AFAP1L2: variants seen among roughly 807,000 people sequenced by gnomAD.
The protein encoded by AFAP1L2 is actin filament-associated protein 1-like 2.
AFAP1L2 carries 46 observed loss-of-function variants against 99.3 expected under a neutral mutation model. The ratio of observed to expected loss-of-function variants is 0.46; its 90% confidence interval spans 0.37 to 0.59. The LOEUF is 0.59. Ranked by LOEUF, AFAP1L2 falls within the 20% of genes least tolerant of loss-of-function variation. The probability of loss-of-function intolerance (pLI) is 0.00; values close to 1 mark genes in which losing one functional copy is unlikely to be tolerated. For synonymous variants in AFAP1L2, 397 were observed against 419.1 expected (o/e 0.95, Z 0.64); for missense variants, 959 against 1,034.9 (o/e 0.93, Z 1.01).
chr10:114,311,912 G>A (rs1398346186), intron 7 of AFAP1L2, among the ~76,000 whole-genome samples: 2 of 152,260 alleles, frequency 1.3e-5, no homozygotes, highest in Non-Finnish European at 2.9e-5. Flanking sequence ...AATGCAGGTA[G>A]GTGGAGAGCC....
chr10:114,297,697 T>C (rs1215986267), intron 16 of AFAP1L2, among the ~76,000 whole-genome samples: 1 of 152,220 alleles, frequency 6.6e-6, no homozygotes, highest in East Asian at 1.9e-4. Context: ...TCAGAGACTC[T>C]TGGTTGCTTT....
chr10:114,313,479 C>T (rs535231220), intron 7 of AFAP1L2, among the ~76,000 whole-genome samples: 8 of 152,286 alleles, frequency 5.3e-5, no homozygotes, highest in African/African-American at 1.7e-4. Context: ...AATCACCACT[C>T]CTGTAAAATG....
In AFAP1L2 at chr10:114,330,663, A is replaced by C. The variant is rs193194081; in HGVS notation, c.315+1140T>G. Among the ~76,000 whole-genome samples the C allele has an allele frequency of 9.1e-4, 138 of 152,358 alleles. 1 individual carries two copies. Among genetic ancestry groups the C allele is most frequent in the Middle Eastern group, 3.4e-3 (1 of 294 alleles). On this transcript the variant is annotated intron_variant, in intron 4 of 18. Transcript: ENST00000304129. ...AGGATTAGAGACTTTAACTTGCTCA[A>C]GTTCAAAGAGCTAGTGGCATGCAGA... is the stretch of plus-strand genomic sequence containing the variant.
At chr10:114,359,025 C>T (rs959462442) in intron 1 of AFAP1L2, among the ~76,000 whole-genome samples, 19 of 152,186 alleles carry the variant, frequency 1.2e-4, no homozygotes, top group African/African-American at 4.6e-4. Flanking sequence ...CCATTTTGAC[C>T]CTGGTTATTA....
the AFAP1L2 span, among the ~76,000 whole-genome samples, chr10:114,287,599 G>A: frequency 6.6e-6 from 1 of 152,140 alleles, no homozygotes; most frequent in Non-Finnish European, 1.5e-5. Flanking sequence ...CCTCCTGTAA[G>A]GCGGAAGGAC....
intron 1 of AFAP1L2, among the ~76,000 whole-genome samples, chr10:114,374,846 A>AGGGGGGGG (rs2054593466): frequency 3.4e-5 from 1 of 29,748 alleles, no homozygotes; most frequent in Non-Finnish European, 6.9e-5. Context: ...AGAGGGAGGG[A>AGGGGGGGG]GGGGGTGGGG....
At chr10:114,396,723 G>C (rs2057756958) in intron 1 of AFAP1L2, among the ~76,000 whole-genome samples, 1 of 152,230 alleles carries the variant, frequency 6.6e-6, no homozygotes, top group Non-Finnish European at 1.5e-5. Flanking sequence ...GTGGGTAGCA[G>C]CAGAGTTCCC....
chr10:114,381,160 G>A (rs2055561384), intron 1 of AFAP1L2, among the ~76,000 whole-genome samples: 1 of 152,188 alleles, frequency 6.6e-6, no homozygotes, highest in South Asian at 2.1e-4. Flanking sequence ...GGATAAACAA[G>A]AGTTGTTATA....
intron 1 of AFAP1L2, among the ~76,000 whole-genome samples, chr10:114,404,054 C>G (rs1174314758): frequency 6.6e-6 from 1 of 152,252 alleles, no homozygotes; most frequent in Admixed American, 6.5e-5. Context: ...CCCTTTGCCC[C>G]CAGCAGCTCA....
the AFAP1L2 span, among the ~76,000 whole-genome samples, chr10:114,283,417 C>A: frequency 6.6e-6 from 1 of 151,910 alleles, no homozygotes; most frequent in African/African-American, 2.4e-5. Flanking sequence ...TAGCGAGTGT[C>A]CCTATTTGGG....
chr10:114,310,345 G>A lies in AFAP1L2; in HGVS notation c.882+9C>T. The A allele has an allele frequency of 6.2e-7, 1 of 1,610,944 alleles. No individual in the cohort carries two copies. The highest frequency in any genetic ancestry group is 8.5e-7 in the Non-Finnish European group (1 of 1,178,830). On this transcript the variant is annotated intron_variant, in intron 8 of 18. Transcript: ENST00000304129. ...GGGGACTCTCCCTCCAGGCAGGGCA[G>A]AGGCTTACTTTCTGGCAGTTAAAGC... is the stretch of plus-strand genomic sequence containing the variant.
chr10:114,294,249 T>A (rs1052497193), downstream of AFAP1L2, among the ~76,000 whole-genome samples: 2 of 152,250 alleles, frequency 1.3e-5, no homozygotes, highest in Non-Finnish European at 2.9e-5. Flanking sequence ...TTTTGCAATT[T>A]GTTTTGAATT....
chr10:114,311,373 T>A (rs1056429482), intron 7 of AFAP1L2, among the ~76,000 whole-genome samples: 1 of 152,140 alleles, frequency 6.6e-6, no homozygotes, highest in Non-Finnish European at 1.5e-5. Flanking sequence ...ATTTCATAGA[T>A]CCCCCTCTTT....
intron 1 of AFAP1L2, chr10:114,398,745 T>A: frequency 9.3e-7 from 1 of 1,080,380 alleles, no homozygotes; most frequent in Non-Finnish European, 1.2e-6. Context: ...CTCCTTGATC[T>A]CCCTCAACCA....
At chr10:114,311,440 A>G (rs2043220862) in intron 7 of AFAP1L2, among the ~76,000 whole-genome samples, 1 of 152,174 alleles carries the variant, frequency 6.6e-6, no homozygotes, top group South Asian at 2.1e-4. Flanking sequence ...GAGCCCAAGA[A>G]CTCCAGTTCG....
At chr10:114,310,952 G>GCCCCCCCC (rs1554887399) in intron 7 of AFAP1L2, among the ~76,000 whole-genome samples, 29 of 133,808 alleles carry the variant, frequency 2.2e-4, no homozygotes, top group Admixed American at 7.0e-4. Flanking sequence ...CTCGCCTGCC[G>GCCCCCCCC]CCACCCACCC....
chr10:114,390,347 C>T (rs1021839300), intron 1 of AFAP1L2, among the ~76,000 whole-genome samples: 5 of 152,184 alleles, frequency 3.3e-5, no homozygotes, highest in Non-Finnish European at 5.9e-5. Context: ...AGAGATCATC[C>T]TCAACCCTGC....
At chr10:114,281,438 C>T in the AFAP1L2 span, among the ~76,000 whole-genome samples, 1 of 152,178 alleles carries the variant, frequency 6.6e-6, no homozygotes, top group African/African-American at 2.4e-5. Flanking sequence ...AATTATGTGA[C>T]CTCAGGGGCC....
At chr10:114,328,080 C>A (rs916948679) in intron 4 of AFAP1L2, among the ~76,000 whole-genome samples, 1 of 152,362 alleles carries the variant, frequency 6.6e-6, no homozygotes, top group Admixed American at 6.5e-5. Context: ...GGCCAACAAA[C>A]ATCTGTTTCT....
Sources: allele counts gnomAD v4.1 joint callset (sites outside exome capture counted in the v4.1 genomes callset), GRCh38; gene constraint gnomAD v4.1.1; transcripts MANE v1.5; gene names NCBI Gene and HGNC (gene_info 2026-07-23, HGNC 2026-07-21).